The following SGCZ variants were observed in gnomAD, a reference collection of about 807,000 sequenced individuals.
The protein encoded by SGCZ is sarcoglycan zeta.
SGCZ carries 40 observed loss-of-function variants against 41.3 expected under a neutral mutation model. The ratio of observed to expected loss-of-function variants is 0.97; its 90% confidence interval spans 0.75 to 1.26. SGCZ has a LOEUF of 1.26. Ranked by LOEUF, SGCZ falls within the 50% of genes most tolerant of loss-of-function variation. The pLI, the probability that SGCZ is intolerant of heterozygous loss-of-function variation, is 0.00. For missense variants in SGCZ, 552 were observed against 369.8 expected (o/e 1.49, Z -4.04); for synonymous variants, 206 against 137.5 (o/e 1.50, Z -3.49).
intron 1 of SGCZ, among the ~76,000 whole-genome samples, chr8:14,864,846 C>CT (rs1175754396): frequency 6.6e-6 from 1 of 151,938 alleles, no homozygotes; most frequent in African/African-American, 2.4e-5. Context: ...TATTTTTGGT[C>CT]TTTTTCATAT....
intron 2 of SGCZ, among the ~76,000 whole-genome samples, chr8:14,384,053 G>A (rs541950076): frequency 2.0e-5 from 3 of 151,524 alleles, no homozygotes; most frequent in Non-Finnish European, 4.4e-5. Context: ...CCATATTGGT[G>A]TGCTGCACCC....
chr8:14,970,646 T>A (rs1189158462), intron 1 of SGCZ, among the ~76,000 whole-genome samples: 8 of 152,198 alleles, frequency 5.3e-5, no homozygotes, highest in African/African-American at 1.9e-4. Flanking sequence ...CCATTTCTTC[T>A]GTTCCATTGA....
chr8:14,749,028 G>T (rs1197604439), intron 1 of SGCZ, among the ~76,000 whole-genome samples: 1 of 151,784 alleles, frequency 6.6e-6, no homozygotes, highest in Admixed American at 6.6e-5. Flanking sequence ...CAAAAATAAG[G>T]TTGACTAATT....
At chr8:15,031,520 C>T (rs1016735120) in intron 1 of SGCZ, among the ~76,000 whole-genome samples, 2 of 152,156 alleles carry the variant, frequency 1.3e-5, no homozygotes, top group Non-Finnish European at 2.9e-5. Flanking sequence ...AAGGACTTTA[C>T]ATGTATTAAT....
At chr8:14,531,651 G>C (rs1803136567) in intron 2 of SGCZ, among the ~76,000 whole-genome samples, 1 of 151,994 alleles carries the variant, frequency 6.6e-6, no homozygotes, top group East Asian at 1.9e-4. Context: ...AGATAATGAA[G>C]AGTAACTTGA....
chr8:14,594,735 A>C (rs11781336), intron 1 of SGCZ, among the ~76,000 whole-genome samples: 40,132 of 151,790 alleles, frequency 0.26, 6,207 homozygotes, highest in Non-Finnish European at 0.36. Context: ...GGTGTCTTGC[A>C]TATGTGTGTG....
At chr8:15,094,142 T>A (rs1013120684) in intron 1 of SGCZ, among the ~76,000 whole-genome samples, 1 of 149,684 alleles carries the variant, frequency 6.7e-6, no homozygotes, top group African/African-American at 2.4e-5. Flanking sequence ...TTTTTTTAAA[T>A]TTTTTTTTTT....
intron 3 of SGCZ, among the ~76,000 whole-genome samples, chr8:14,255,961 A>G (rs563624389): frequency 6.6e-6 from 1 of 152,108 alleles, no homozygotes; most frequent in African/African-American, 2.4e-5. Context: ...AAACTGCCAC[A>G]TGTTTCATTA....
chr8:14,972,460 A>G (rs1326213095), intron 1 of SGCZ, among the ~76,000 whole-genome samples: 1 of 152,156 alleles, frequency 6.6e-6, no homozygotes, highest in Non-Finnish European at 1.5e-5. Context: ...ATAAAGAATG[A>G]CAAGCTCTGT....
chr8:14,823,827 G>A (rs959610359), intron 1 of SGCZ, among the ~76,000 whole-genome samples: 2 of 152,102 alleles, frequency 1.3e-5, no homozygotes, highest in African/African-American at 4.8e-5. Context: ...TAATCAAACT[G>A]AGCATGCAGT....
chr8:14,802,199 A>G (rs1209489178), intron 1 of SGCZ, among the ~76,000 whole-genome samples: 1 of 152,184 alleles, frequency 6.6e-6, no homozygotes, highest in Non-Finnish European at 1.5e-5. Context: ...TCAGCTACCT[A>G]CACCCTCCTC....
At chr8:14,123,112 T>C (rs1000104064) in intron 5 of SGCZ, among the ~76,000 whole-genome samples, 1 of 152,134 alleles carries the variant, frequency 6.6e-6, no homozygotes, top group Non-Finnish European at 1.5e-5. Flanking sequence ...AGATTCAAAC[T>C]TTTTTGGAAG....
intron 1 of SGCZ, among the ~76,000 whole-genome samples, chr8:14,635,624 T>C (rs139804739): frequency 6.6e-6 from 1 of 151,854 alleles, no homozygotes; most frequent in East Asian, 2.0e-4. Context: ...TCTCTCTTCA[T>C]CCCAACAGGA....
intron 4 of SGCZ, among the ~76,000 whole-genome samples, chr8:14,232,237 C>A (rs1806598365): frequency 6.6e-6 from 1 of 151,808 alleles, no homozygotes; most frequent in South Asian, 2.1e-4. Context: ...TTTATTGTGG[C>A]CCATCTGATT....
At chr8:14,515,825 G>C (rs1347088328) in intron 2 of SGCZ, among the ~76,000 whole-genome samples, 1 of 151,944 alleles carries the variant, frequency 6.6e-6, no homozygotes, top group African/African-American at 2.4e-5. Context: ...TAAAGTTTTA[G>C]TCTTTTTCAA....
At chr8:14,290,151 A>G (rs541682410) in intron 3 of SGCZ, among the ~76,000 whole-genome samples, 2 of 152,224 alleles carry the variant, frequency 1.3e-5, no homozygotes, top group South Asian at 4.1e-4. Flanking sequence ...TATTAAGAAC[A>G]AAATTAAACC....
chr8:14,152,968 A>C (rs1803755862), intron 5 of SGCZ, among the ~76,000 whole-genome samples: 1 of 152,184 alleles, frequency 6.6e-6, no homozygotes, highest in African/African-American at 2.4e-5. Context: ...ACATTCTTAA[A>C]CCATCAAAAC....
intron 1 of SGCZ, among the ~76,000 whole-genome samples, chr8:15,042,294 T>C (rs1201876862): frequency 6.6e-6 from 1 of 152,178 alleles, no homozygotes; most frequent in Non-Finnish European, 1.5e-5. Context: ...TTCCCTTTTG[T>C]GCTGATGCCT....
At chr8:15,197,128 C>T (rs921135225) in intron 1 of SGCZ, among the ~76,000 whole-genome samples, 6 of 152,190 alleles carry the variant, frequency 3.9e-5, no homozygotes, top group African/African-American at 1.4e-4. Context: ...GGACTTAACC[C>T]CTTTGTGGGA....
Sources: gnomAD v4.1 joint callset for allele counts (sites outside exome capture counted in the v4.1 genomes callset) on GRCh38, gnomAD v4.1.1 for gene constraint, MANE v1.5 for transcripts, NCBI Gene and HGNC (gene_info 2026-07-23, HGNC 2026-07-21) for gene names.